Variants in UNC5A observed in about 807,000 individuals in gnomAD.
The protein encoded by UNC5A is unc-5 netrin receptor A, also known as netrin receptor UNC5A.
In UNC5A, 20 loss-of-function variants were observed where a neutral mutation model predicts 87.4. The observed-to-expected ratio is 0.23, with a 90% confidence interval of 0.16 to 0.33. The LOEUF is 0.33. UNC5A is among the 10% of genes least tolerant of loss of function. UNC5A has a pLI of 1.00. For synonymous variants in UNC5A, 438 were observed against 482.3 expected (o/e 0.91, Z 1.20); for missense variants, 844 against 1,133.4 (o/e 0.74, Z 3.67).
rs545475581 is a variant in UNC5A, at chr5:176,811,691, A to G, written c.70+871A>G. On this transcript the variant is annotated intron_variant, in intron 1 of 14. Transcript: ENST00000329542. ...TAGGCTGAGCTGTGGGGGCCTCCTG[A>G]TCTCTGCCCCCCATGCACTTAGCTG... Among the ~76,000 whole-genome samples the G allele has an allele frequency of 9.9e-5, 15 of 150,932 alleles. No homozygotes were observed. The South Asian group carries it at 3.2e-3, about 32-fold the overall frequency.
At chr5:176,817,602 G>C (rs1183027763) in intron 1 of UNC5A, among the ~76,000 whole-genome samples, 1 of 132,572 alleles carries the variant, frequency 7.5e-6, no homozygotes, top group Non-Finnish European at 1.6e-5. Context: ...AAACAAATGT[G>C]CCCGTCACTG....
At chr5:176,850,344 G>A (rs1357862081) in intron 1 of UNC5A, among the ~76,000 whole-genome samples, 1 of 152,164 alleles carries the variant, frequency 6.6e-6, no homozygotes, top group Non-Finnish European at 1.5e-5. Flanking sequence ...GTGTGAGATC[G>A]GATTCTCTTT....
chr5:176,875,655 TC>T lies in UNC5A; in HGVS notation c.1378+1093del, dbSNP rs1287204403. 6.6e-6 allele frequency among the ~76,000 whole-genome samples: 1 copy of T among 152,056 alleles called. No individual in the cohort carries two copies. The highest frequency in any genetic ancestry group is 2.4e-5 in the African/African-American group (1 of 41,384). On this transcript the variant is annotated intron_variant, in intron 8 of 14. Transcript: ENST00000329542. This position sits in a 1 kb window ranked among gnomAD's most constrained non-coding sequence, Gnocchi z 5.2. ...TCTCGTGCTCGAATCCCTTCTGGGC[TC>T]CCCTCTGCCCCCTGCAAAGCCCACA...
At chr5:176,877,066 C>A in intron 8 of UNC5A, 126 bp from the exon 9 acceptor site, 2 of 727,804 alleles carry the variant, frequency 2.7e-6, no homozygotes, top group Non-Finnish European at 2.3e-6. Context: ...GTCTTTGAGG[C>A]CCCTCTGTCC....
chr5:176,832,796 T>C (rs1757060453), intron 1 of UNC5A, among the ~76,000 whole-genome samples: 1 of 152,164 alleles, frequency 6.6e-6, no homozygotes, highest in South Asian at 2.1e-4. Flanking sequence ...CTGAAGCTGG[T>C]TGGGCAAGAG....
chr5:176,861,861 T>C (rs1757848766), intron 1 of UNC5A, among the ~76,000 whole-genome samples: 1 of 151,870 alleles, frequency 6.6e-6, no homozygotes, highest in South Asian at 2.1e-4. Context: ...CTGGGGGTTG[T>C]GGGAGCTGAG....
chr5:176,849,049 G>A (rs779769847), intron 1 of UNC5A, among the ~76,000 whole-genome samples: 1 of 152,202 alleles, frequency 6.6e-6, no homozygotes, highest in Non-Finnish European at 1.5e-5. Context: ...CAGGAAGAGC[G>A]GGGCAGAGAC....
At chr5:176,855,188 G>A (rs957727591) in intron 1 of UNC5A, among the ~76,000 whole-genome samples, 3 of 152,240 alleles carry the variant, frequency 2.0e-5, no homozygotes, top group African/African-American at 7.2e-5. Flanking sequence ...TCTTGCTTCA[G>A]ACCTGTGAAT....
At chr5:176,815,223 C>T (rs994389403) in intron 1 of UNC5A, among the ~76,000 whole-genome samples, 3 of 152,218 alleles carry the variant, frequency 2.0e-5, no homozygotes, top group Non-Finnish European at 2.9e-5. Context: ...ACAGCTCCTA[C>T]GTGGGGTGGG....
rs751749790 is a variant in UNC5A, at chr5:176,877,574, C to T, written c.1506C>T (p.Ile502=). The T allele has an allele frequency of 4.7e-5, 76 of 1,610,442 alleles. No homozygotes were observed. Among genetic ancestry groups the T allele is most frequent in the Admixed American group, 1.2e-4 (7 of 59,824 alleles). ...GCTGTCAGACCCTGCTGAGTCCCAT[C>T]GTTAGCTGTGGACCCCCTGGCGTCC... ...LAGCQTLLSP[I]VSCGPPGVLL... is the part of the protein sequence containing the mutation. The change falls in exon 10 of 15, where the codon ATC becomes ATT. Residue 502 remains isoleucine, a synonymous_variant. Coordinates refer to ENST00000329542, the MANE Select transcript of UNC5A (RefSeq NM_133369.3).
intron 1 of UNC5A, among the ~76,000 whole-genome samples, chr5:176,818,959 G>T (rs570893932): frequency 6.6e-6 from 1 of 152,196 alleles, no homozygotes; most frequent in South Asian, 2.1e-4. Context: ...GGACTTGCCC[G>T]GGCCACACTT....
At position 176,869,094 on chromosome 5, in the gene UNC5A, G is replaced by A; in HGVS notation, c.721+130G>A. The A allele has an allele frequency of 9.3e-7, 1 of 1,078,414 alleles. No individual in the cohort carries two copies. Among genetic ancestry groups the A allele is most frequent in the Non-Finnish European group, 1.3e-6 (1 of 775,066 alleles). 66.8% of individuals were successfully genotyped at this position (1,078,414 alleles called of 1,614,324 possible). A position where few individuals can be genotyped will look rare whatever the true frequency, so the allele number is the denominator to read the frequency against. The stretch of plus-strand genomic sequence containing the variant: ...GGACCAGATCGTGCCTGACTAGGCA[G>A]GATAAGCAAAGGGCTCTCTGTGACT... On this transcript the variant is annotated intron_variant, in intron 5 of 14. Coordinates refer to ENST00000329542, the MANE Select transcript of UNC5A (RefSeq NM_133369.3). The surrounding 1 kb of genome is among the most constrained non-coding windows in gnomAD (Gnocchi z 9.1).
rs1301448177 is a variant in UNC5A at position 176,858,771 on chromosome 5, G to GC, written c.71-3853_71-3852insC. Among the ~76,000 whole-genome samples the GC allele has an allele frequency of 6.8e-3, 931 of 137,506 alleles. 18 individuals are homozygous for GC. Among genetic ancestry groups the GC allele is most frequent in the African/African-American group, 0.024 (880 of 36,342 alleles). The allele number at this position is 137,506 out of a possible 152,430, so 90.2% of individuals were successfully genotyped here. A position where few individuals can be genotyped will look rare whatever the true frequency, so the allele number is the denominator to read the frequency against. On this transcript the variant is annotated intron_variant, in intron 1 of 14. Coordinates refer to ENST00000329542, the MANE Select transcript of UNC5A (RefSeq NM_133369.3). ...GGAAGGAAGGAAGGAAGGAAGGAAG[G>GC]AAGGCAAGCAAGCAGGCAGGGAGGG...
At chr5:176,877,451 G>C in intron 9 of UNC5A, 84 bp from the exon 10 acceptor site, 1 of 1,472,218 alleles carries the variant, frequency 6.8e-7, no homozygotes, top group Non-Finnish European at 9.2e-7. Flanking sequence ...CTGGGATGCT[G>C]CTGCCCTGCC....
intron 13 of UNC5A, 104 bp from the exon 14 acceptor site, chr5:176,879,206 C>A (rs1289829281): frequency 1.5e-6 from 2 of 1,373,534 alleles, no homozygotes; most frequent in African/African-American, 2.9e-5. Context: ...GCTCATGCCG[C>A]CCCCATGCTC....
chr5:176,848,758 C>A lies in UNC5A; in HGVS notation c.71-13866C>A, dbSNP rs188743954. ...AGGCTTCAGCTGCCTCACCCAGGGG[C>A]AGGAGCTGAGGCTCAGACCACGGGC... On this transcript the variant is annotated intron_variant, in intron 1 of 14. Coordinates refer to ENST00000329542, the MANE Select transcript of UNC5A (RefSeq NM_133369.3). The surrounding 1 kb of genome is among the most constrained non-coding windows in gnomAD (Gnocchi z 5.8). Among the ~76,000 whole-genome samples the A allele has an allele frequency of 3.3e-5, 5 of 152,322 alleles. 1 individual carries two copies. Among genetic ancestry groups the A allele is most frequent in the African/African-American group, 1.2e-4 (5 of 41,572 alleles).
intron 1 of UNC5A, among the ~76,000 whole-genome samples, chr5:176,852,504 T>A (rs1319232192): frequency 2.6e-5 from 4 of 152,228 alleles, no homozygotes; most frequent in Non-Finnish European, 5.9e-5. Flanking sequence ...TTCCATTCTA[T>A]TTAATTGCAG....
At chr5:176,823,206 A>G (rs967103881) in intron 1 of UNC5A, among the ~76,000 whole-genome samples, 5 of 149,620 alleles carry the variant, frequency 3.3e-5, no homozygotes, top group African/African-American at 1.2e-4. Flanking sequence ...GGAGGCAAAC[A>G]TGATTCAGAG....
In UNC5A at chr5:176,841,645, T is replaced by C. The variant is rs1201085824; in HGVS notation, c.71-20979T>C. ...ATAAAAGTTCCTATCAAATTAAACA[T>C]GTGCTTACCATATGCCCCAGCAATC... On this transcript the variant is annotated intron_variant, in intron 1 of 14. Transcript: ENST00000329542. The surrounding 1 kb of genome is among the most constrained non-coding windows in gnomAD (Gnocchi z 4.1). Among the ~76,000 whole-genome samples, 2 of 152,194 alleles carry C rather than the reference T, an allele frequency of 1.3e-5. No individual in the cohort carries two copies. Among genetic ancestry groups the C allele is most frequent in the African/African-American group, 4.8e-5 (2 of 41,442 alleles).
Sources: gnomAD v4.1 joint callset for allele counts (sites outside exome capture counted in the v4.1 genomes callset) on GRCh38, gnomAD v4.1.1 for gene constraint, Gnocchi (gnomAD v3.1) non-coding constraint, MANE v1.5 for transcripts, NCBI Gene and HGNC (gene_info 2026-07-23, HGNC 2026-07-21) for gene names.